Variants in LAMA1 observed in about 807,000 individuals in gnomAD.
LAMA1 encodes laminin subunit alpha 1, also known as laminin subunit alpha-1.
Under a neutral mutation model 348.7 loss-of-function variants are expected in LAMA1, and 219 were observed. That is an observed-to-expected ratio of 0.63 (90% CI 0.56 to 0.70). The LOEUF (loss-of-function observed/expected upper bound fraction) is 0.70. Ranked by LOEUF, LAMA1 falls within the 30% of genes least tolerant of loss-of-function variation. LAMA1 has a pLI of 0.00. For synonymous variants in LAMA1, 1,487 were observed against 1,491.0 expected, an observed-to-expected ratio of 1.00 and a Z score of 0.06; for missense variants, 3,744 against 3,888.0, an observed-to-expected ratio of 0.96 and a Z score of 0.99.
chr18:7,103,621 C>G (rs1372564447), intron 1 of LAMA1, among the ~76,000 whole-genome samples: 1 of 150,988 alleles, frequency 6.6e-6, no homozygotes, highest in Non-Finnish European at 1.5e-5. Flanking sequence ...CCAGACCAGT[C>G]TGGCCAACAT....
At chr18:7,075,520 G>A (rs1164953791) in intron 3 of LAMA1, among the ~76,000 whole-genome samples, 1 of 152,126 alleles carries the variant, frequency 6.6e-6, no homozygotes, top group African/African-American at 2.4e-5. Flanking sequence ...TACTCAGAAG[G>A]CTGAGGCAGG....
At chr18:6,979,636 A>G (rs907832076) in intron 42 of LAMA1, among the ~76,000 whole-genome samples, 1 of 152,200 alleles carries the variant, frequency 6.6e-6, no homozygotes, top group Non-Finnish European at 1.5e-5. Context: ...GCGGTGGCTC[A>G]CGCCTGTAAT....
chr18:6,965,548 C>CTGTGGG, intron 49 of LAMA1, 116 bp from the exon 50 acceptor site: 2 of 1,228,564 alleles, frequency 1.6e-6, no homozygotes, highest in Non-Finnish European at 2.4e-6. Flanking sequence ...CTGGATCTGG[C>CTGTGGG]CCCACAGCCA....
chr18:6,970,898 C>A (rs939920111), intron 48 of LAMA1, among the ~76,000 whole-genome samples: 1 of 152,158 alleles, frequency 6.6e-6, no homozygotes, highest in South Asian at 2.1e-4. Context: ...CAGGCGTGAG[C>A]CACCATGACC....
chr18:7,024,222 A>C (rs2057932191), intron 18 of LAMA1, among the ~76,000 whole-genome samples, 158 bp downstream of exon 18: 1 of 152,198 alleles, frequency 6.6e-6, no homozygotes, highest in Non-Finnish European at 1.5e-5. Context: ...TTTAACATTA[A>C]TTTTAAAACA....
rs78279255 is a variant in LAMA1, at chr18:6,947,271, T to C, written c.8736A>G (p.Ser2912=). ...ALVKEGYKVQ[S]DVNITLEFRT... is the part of the protein sequence containing the mutation. ...GAAACTCCAGTGTGATGTTCACATC[T>C]GACTGGACTTTGTAGCCCTCTTTGA... The change falls in exon 61 of 63, where the codon TCA becomes TCG. Residue 2912 remains serine, a synonymous_variant. Transcript: ENST00000389658. The C allele has an allele frequency of 4.3e-3, 6,969 of 1,613,956 alleles. 272 individuals are homozygous for C. The African/African-American group carries it at 0.079, about 18-fold the overall frequency.
rs1181179925 is a variant in LAMA1 at position 6,961,516 on chromosome 18, T to C, written c.7626+70A>G. The C allele has an allele frequency of 1.9e-6, 3 of 1,560,858 alleles. No individual in the cohort carries two copies. In the African/African-American group the frequency reaches 4.1e-5, roughly 21 times the overall value. The stretch of plus-strand genomic sequence containing the variant: ...GTGACAATAAATGTTTATGAGTCAG[T>C]CATTTTCCACTCATTGTTTCCCGAA... On this transcript the variant is annotated intron_variant, in intron 53 of 62. Coordinates refer to ENST00000389658, the MANE Select transcript of LAMA1 (RefSeq NM_005559.4).
intron 3 of LAMA1, among the ~76,000 whole-genome samples, chr18:7,075,479 G>A (rs1009536513): frequency 4.6e-5 from 7 of 151,962 alleles, no homozygotes; most frequent in Non-Finnish European, 8.8e-5. Context: ...AAAATTAGCC[G>A]GGCATGGTGG....
chr18:7,079,013 A>T (rs1225093600), intron 3 of LAMA1, among the ~76,000 whole-genome samples: 1 of 151,668 alleles, frequency 6.6e-6, no homozygotes, highest in Non-Finnish European at 1.5e-5. Context: ...AATAAAAAAT[A>T]AAAAAAAATT....
intron 26 of LAMA1, among the ~76,000 whole-genome samples, chr18:7,009,804 T>C (rs540882811): frequency 5.0e-4 from 76 of 152,300 alleles, no homozygotes; most frequent in African/African-American, 1.7e-3. Context: ...CTAATCTCAC[T>C]GGAATTTTGA....
intron 3 of LAMA1, among the ~76,000 whole-genome samples, chr18:7,053,383 T>G (rs1201454540): frequency 6.6e-6 from 1 of 152,154 alleles, no homozygotes; most frequent in Non-Finnish European, 1.5e-5. Flanking sequence ...TGATAACAAA[T>G]GTACCATTCT....
At position 7,074,967 on chromosome 18, in the gene LAMA1, C is replaced by CAAAAAAAAAAAA. The variant is rs773818069; in HGVS notation, c.345+4996_345+5007dup. 2.7e-4 allele frequency among the ~76,000 whole-genome samples: 14 copies of CAAAAAAAAAAAA among 52,268 alleles called. 3 individuals carry two copies. The highest frequency in any genetic ancestry group is 1.4e-3 in the South Asian group (2 of 1,462). The allele number at this position is 52,268 out of a possible 152,430, so 34.3% of individuals were successfully genotyped here. A position where few individuals can be genotyped will look rare whatever the true frequency, so the allele number is the denominator to read the frequency against. Reference sequence around the variant, plus strand: ...GATAACCAAACCTAATACATAGAGGCAAAAAAAAAAAAAAAAAAAAAAAAA... The same window carrying CAAAAAAAAAAAA: ...GATAACCAAACCTAATACATAGAGGCAAAAAAAAAAAAAAAAAAAAAAAAAAAAAAAAAAAAA... On this transcript the variant is annotated intron_variant, in intron 3 of 62. Transcript: ENST00000389658.
intron 16 of LAMA1, among the ~76,000 whole-genome samples, chr18:7,027,746 C>T (rs1362868059): frequency 2.0e-5 from 3 of 152,132 alleles, no homozygotes; most frequent in Non-Finnish European, 2.9e-5. Context: ...AGTTCGAGAC[C>T]AGCCTGGCCA....
intron 39 of LAMA1, among the ~76,000 whole-genome samples, 159 bp from the exon 40 acceptor site, chr18:6,983,393 T>C (rs1004495974): frequency 1.4e-4 from 21 of 152,204 alleles, no homozygotes; most frequent in Non-Finnish European, 2.9e-4. Context: ...TGGGTTCCCA[T>C]GTAACTTCAA....
At chr18:7,090,945 G>A (rs1460480424) in intron 1 of LAMA1, among the ~76,000 whole-genome samples, 1 of 152,174 alleles carries the variant, frequency 6.6e-6, no homozygotes, top group African/African-American at 2.4e-5. Context: ...TGCTCAAGGT[G>A]TCCTTGAAAA....
chr18:6,980,023 C>A (rs977744178), intron 42 of LAMA1, among the ~76,000 whole-genome samples: 3 of 152,036 alleles, frequency 2.0e-5, no homozygotes, highest in East Asian at 1.9e-4. Context: ...TAGACCCCCC[C>A]AAAAAATTTC....
chr18:7,068,771 T>C (rs969249774), intron 3 of LAMA1, among the ~76,000 whole-genome samples: 18 of 148,450 alleles, frequency 1.2e-4, no homozygotes, highest in South Asian at 4.2e-4. Context: ...ACAATCTGAG[T>C]AGAAGTTAAG....
chr18:7,053,172 G>A (rs1450245510), intron 3 of LAMA1, among the ~76,000 whole-genome samples: 3 of 152,318 alleles, frequency 2.0e-5, no homozygotes, highest in South Asian at 2.1e-4. Flanking sequence ...GGCTGCCAGC[G>A]TCTCAGGGTG....
chr18:7,067,826 T>C (rs1286067329), intron 3 of LAMA1, among the ~76,000 whole-genome samples: 2 of 151,800 alleles, frequency 1.3e-5, no homozygotes. Flanking sequence ...TCTGTATTCC[T>C]GCCTCCCTTC....
Sources: gnomAD v4.1 joint callset for allele counts (sites outside exome capture counted in the v4.1 genomes callset) on GRCh38, gnomAD v4.1.1 for gene constraint, MANE v1.5 for transcripts, NCBI Gene and HGNC (gene_info 2026-07-23, HGNC 2026-07-21) for gene names.